The following JPH4 variants were observed in gnomAD, a reference collection of about 807,000 sequenced individuals.
JPH4 encodes junctophilin 4.
Under a neutral mutation model 57.6 loss-of-function variants are expected in JPH4, and 18 were observed. That is an observed-to-expected ratio of 0.31 (90% CI 0.22 to 0.46). The LOEUF (loss-of-function observed/expected upper bound fraction) is 0.46, where lower values mean the gene tolerates loss of function less well. Among genes scored for constraint, JPH4 ranks in the 20% least tolerant of loss-of-function variants. JPH4 has a pLI of 1.00. For missense variants in JPH4, 727 were observed against 911.1 expected (o/e 0.80, Z 2.60); for synonymous variants, 425 against 406.6 (o/e 1.05, Z -0.54).
rs147617567 is a variant in JPH4 at position 23,576,978 on chromosome 14, A to G, written c.379+97T>C. 6.6e-6 allele frequency: 9 copies of G among 1,354,788 alleles called. No homozygotes were observed. In the East Asian group the frequency reaches 2.5e-4, roughly 38 times the overall value. 83.9% of individuals were successfully genotyped at this position (1,354,788 alleles called of 1,614,324 possible). Reference sequence around the variant, plus strand: ...ATGGGGAATGGTGGCGGGGGAAAGAAGGATGGGCGCAAGGGCGCAAATGGC... The same window carrying G: ...ATGGGGAATGGTGGCGGGGGAAAGAGGGATGGGCGCAAGGGCGCAAATGGC... On this transcript the variant is annotated intron_variant, in intron 2 of 5. Coordinates refer to ENST00000356300, the MANE Select transcript of JPH4 (RefSeq NM_001146028.2). The surrounding 1 kb of genome is among the most constrained non-coding windows in gnomAD (Gnocchi z 8.0).
Position 23,576,182 on chromosome 14 carries a change from G to A in JPH4, c.654C>T (p.Phe218=). 7.7e-7 allele frequency: 1 copy of A among 1,298,856 alleles called. No individual in the cohort carries two copies. The highest frequency in any genetic ancestry group is 9.8e-7 in the Non-Finnish European group (1 of 1,022,296). The allele number at this position is 1,298,856 out of a possible 1,614,324, so 80.5% of individuals were successfully genotyped here. ...SRKRTPAAGG[F]FRRSLLLSGL... ...CGCTGAGCAGCAGCGAACGGCGAAA[G>A]AATCCGCCGGCCGCCGGAGTGCGCT... The change falls in exon 3 of 6, where the codon TTC becomes TTT. Residue 218 remains phenylalanine, a synonymous_variant. Coordinates refer to ENST00000356300, the MANE Select transcript of JPH4 (RefSeq NM_001146028.2). This position sits in a 1 kb window ranked among gnomAD's most constrained non-coding sequence, Gnocchi z 8.0.
rs1298379352 is a variant in JPH4 at position 23,576,514 on chromosome 14, C to T, written c.380-58G>A. ...AGGACGTGCCGCTGGGCTCCTTGCG[C>T]CCCAAGTCCCAAGCGCCCCTGGAAG... On this transcript the variant is annotated intron_variant, in intron 2 of 5. Transcript: ENST00000356300. The surrounding 1 kb of genome is among the most constrained non-coding windows in gnomAD (Gnocchi z 8.0). The T allele has an allele frequency of 3.8e-6, 5 of 1,316,152 alleles. No individual in the cohort carries two copies. The highest frequency in any genetic ancestry group is 4.9e-6 in the Non-Finnish European group (5 of 1,029,246). The allele number at this position is 1,316,152 out of a possible 1,614,324, so 81.5% of individuals were successfully genotyped here. A position where few individuals can be genotyped will look rare whatever the true frequency, so the allele number is the denominator to read the frequency against.
chr14:23,573,996 C>T (rs954471547), intron 3 of JPH4, among the ~76,000 whole-genome samples: 7 of 151,358 alleles, frequency 4.6e-5, no homozygotes, highest in Non-Finnish European at 1.0e-4. Context: ...ACCCATTATA[C>T]AAACTCATTT....
chr14:23,571,042 C>A lies in JPH4; in HGVS notation c.1689G>T (p.Glu563Asp), dbSNP rs769358718. The change falls in exon 5 of 6, where the codon GAG (glutamate) becomes GAT (aspartate). Residue 563 changes from glutamate (E) to aspartate (D), a missense_variant. Transcript: ENST00000356300. This position sits in a 1 kb window ranked among gnomAD's most constrained non-coding sequence, Gnocchi z 4.6. ...LPPLRAPAGTEPEPIAMLVLR... is the reference protein window; with the variant it reads ...LPPLRAPAGTDPEPIAMLVLR... ...GGACCAGCATGGCGATGGGCTCAGG[C>A]TCCGTGCCTGCTGGGGCCCTCAGCG... is the stretch of plus-strand genomic sequence containing the variant. 6.2e-7 allele frequency: 1 copy of A among 1,605,348 alleles called. No homozygotes were observed. The highest frequency in any genetic ancestry group is 1.7e-5 in the Admixed American group (1 of 59,494).
Position 23,569,724 on chromosome 14 carries a change from A to G in JPH4, c.1804-7T>C. 1.3e-6 allele frequency: 2 copies of G among 1,542,606 alleles called. No individual in the cohort carries two copies. Among genetic ancestry groups the G allele is most frequent in the Non-Finnish European group, 8.8e-7 (1 of 1,141,000 alleles). On this transcript the variant is annotated splice_region_variant and splice_polypyrimidine_tract_variant and intron_variant, in intron 5 of 5. Coordinates refer to ENST00000356300, the MANE Select transcript of JPH4 (RefSeq NM_001146028.2). The surrounding 1 kb of genome is among the most constrained non-coding windows in gnomAD (Gnocchi z 4.8). Reference sequence around the variant, plus strand: ...CCAGGGGGTTGGCAGCTCCCTAGAGAGACAGAGGGGGAAGCAGACTCAGTC... The same window carrying G: ...CCAGGGGGTTGGCAGCTCCCTAGAGGGACAGAGGGGGAAGCAGACTCAGTC...
chr14:23,568,910 G>C lies in JPH4; in HGVS notation c.*724C>G. 17 of 600,572 alleles carry C rather than the reference G, an allele frequency of 2.8e-5. No homozygotes were observed. Among genetic ancestry groups the C allele is most frequent in the Middle Eastern group, 8.7e-4 (1 of 1,146 alleles). 37.2% of individuals were successfully genotyped at this position (600,572 alleles called of 1,614,324 possible). On this transcript the variant is annotated 3_prime_UTR_variant, in exon 6 of 6. Coordinates refer to ENST00000356300, the MANE Select transcript of JPH4 (RefSeq NM_001146028.2). ...TCCTTTACACGTTGCTCTTGGCATG[G>C]CATGCCACCAGAGGGGGCTGGAGGA...
chr14:23,571,348 G>T lies in JPH4; in HGVS notation c.1383C>A (p.Pro461=). 1 of 1,599,246 alleles carries T rather than the reference G, an allele frequency of 6.3e-7. No homozygotes were observed. ...LTPSEGSPEL[P]SSPASSRQPW... ...GTTGGCGGGAGGAGGCAGGACTGCT[G>T]GGCAGTTCAGGGGATCCCTCTGAGG... The change falls in exon 5 of 6, where the codon CCC becomes CCA. Residue 461 remains proline (P), a synonymous_variant. Transcript: ENST00000356300. The surrounding 1 kb of genome is among the most constrained non-coding windows in gnomAD (Gnocchi z 4.6).
Position 23,569,632 on chromosome 14 carries a change from C to T in JPH4, c.*2G>A. 1 of 1,551,862 alleles carries T rather than the reference C, an allele frequency of 6.4e-7. No homozygotes were observed. Among genetic ancestry groups the T allele is most frequent in the South Asian group, 1.2e-5 (1 of 84,054 alleles). The stretch of plus-strand genomic sequence containing the variant: ...AAGCCAGAACCAGGCCAGGAAGTAG[C>T]CTCAGGTGAGGAGCTGGGAGAACAG... On this transcript the variant is annotated 3_prime_UTR_variant, in exon 6 of 6. Transcript: ENST00000356300. The surrounding 1 kb of genome is among the most constrained non-coding windows in gnomAD (Gnocchi z 4.8).
rs1462775241 is a variant in JPH4 at position 23,577,225 on chromosome 14, G to C, written c.229C>G (p.Arg77Gly). ...QGKREGLGVE[R>G]KSRWTYRGEW... ...CCGCGGTACGTCCAGCGGCTCTTGCGCTCCACGCCCAGCCCTTCGCGCTTG... is the reference window on the plus strand; with the variant it reads ...CCGCGGTACGTCCAGCGGCTCTTGCCCTCCACGCCCAGCCCTTCGCGCTTG... Residue 77 changes from arginine to glycine, a missense_variant, in exon 2 of 6, where the codon CGC becomes GGC. Arg to Gly is a moderately radical substitution (Grantham distance 125). This residue lies in a region of JPH4 where 83 missense variants were observed against 135.4 expected (regional missense o/e 0.61). Transcript: ENST00000356300. This position sits in a 1 kb window ranked among gnomAD's most constrained non-coding sequence, Gnocchi z 8.4. 2 of 1,537,236 alleles carry C rather than the reference G, an allele frequency of 1.3e-6. No homozygotes were observed. Among genetic ancestry groups the C allele is most frequent in the Non-Finnish European group, 1.7e-6 (2 of 1,145,874 alleles).
In JPH4 at chr14:23,571,226, GC is replaced by G. The variant is rs759065160; in HGVS notation, c.1504del (p.Ala502GlnfsTer8). 68 of 1,587,728 alleles carry G rather than the reference GC, an allele frequency of 4.3e-5. No individual in the cohort carries two copies. Among genetic ancestry groups the G allele is most frequent in the Admixed American group, 8.5e-5 (5 of 58,548 alleles). On this transcript the variant is annotated frameshift_variant, in exon 5 of 6. Transcript: ENST00000356300. LOFTEE classifies it high-confidence loss of function. The surrounding 1 kb of genome is among the most constrained non-coding windows in gnomAD (Gnocchi z 4.6). ...AGCTAGTTCCTCTGCCTGTGCGCCT[GC>G]CCCCCCCCACTCCTCAGGCCAAGCT... is the stretch of plus-strand genomic sequence containing the variant. ...PKAWPEEWGG[A>X]GAQAEELAGY...
chr14:23,575,670 G>GAA lies in JPH4; in HGVS notation c.1151+13_1151+14dup. ...TCCTCTTAGCCCAGCTTTGGCCTCT[G>GAA]AACTGGACGCCCACCTGGCAGCGGC... On this transcript the variant is annotated intron_variant, in intron 3 of 5. Coordinates refer to ENST00000356300, the MANE Select transcript of JPH4 (RefSeq NM_001146028.2). The surrounding 1 kb of genome is among the most constrained non-coding windows in gnomAD (Gnocchi z 6.9). 1 of 1,591,634 alleles carries GAA rather than the reference G, an allele frequency of 6.3e-7. No individual in the cohort carries two copies. Among genetic ancestry groups the GAA allele is most frequent in the Non-Finnish European group, 8.5e-7 (1 of 1,170,930 alleles).
Position 23,575,551 on chromosome 14 carries a change from C to T in JPH4, c.1151+134G>A. 1.7e-6 allele frequency: 2 copies of T among 1,186,146 alleles called. No individual in the cohort carries two copies. The highest frequency in any genetic ancestry group is 2.6e-5 in the East Asian group (1 of 38,794). The allele number at this position is 1,186,146 out of a possible 1,614,324, so 73.5% of individuals were successfully genotyped here. Reference sequence around the variant, plus strand: ...ACACCAAGAATGCCCAGGGGTCCAACTGCCTGGCCTTAGGCTTGCAATAGC... The same window carrying T: ...ACACCAAGAATGCCCAGGGGTCCAATTGCCTGGCCTTAGGCTTGCAATAGC... On this transcript the variant is annotated intron_variant, in intron 3 of 5. Transcript: ENST00000356300. The surrounding 1 kb of genome is among the most constrained non-coding windows in gnomAD (Gnocchi z 6.9).
chr14:23,568,954 G>GA lies in JPH4; in HGVS notation c.*679dup, dbSNP rs1888957782. 1 of 212,778 alleles carries GA rather than the reference G, an allele frequency of 4.7e-6. No homozygotes were observed. The highest frequency in any genetic ancestry group is 6.5e-5 in the Admixed American group (1 of 15,450). 13.2% of individuals were successfully genotyped at this position (212,778 alleles called of 1,614,324 possible). ...TGGAGGAGGGGCTGGCCGATGAGGA[G>GA]AAAAAGAGGGAAATGCTGGGGAGTT... On this transcript the variant is annotated 3_prime_UTR_variant, in exon 6 of 6. Coordinates refer to ENST00000356300, the MANE Select transcript of JPH4 (RefSeq NM_001146028.2).
chr14:23,572,826 C>A lies in JPH4; in HGVS notation c.1152-906G>T, dbSNP rs1457036791. On this transcript the variant is annotated intron_variant, in intron 3 of 5. Transcript: ENST00000356300. ...CCCTTAGTCTCCCTTCCACAACCCC[C>A]TACCACCTTCCCTGCTCCTTAGGTG... 5.7e-6 allele frequency: 4 copies of A among 701,714 alleles called. No homozygotes were observed. In the East Asian group the frequency reaches 1.1e-4, roughly 19 times the overall value. The allele number at this position is 701,714 out of a possible 1,614,324, so 43.5% of individuals were successfully genotyped here.
chr14:23,573,071 C>A lies in JPH4; in HGVS notation c.1152-1151G>T, dbSNP rs1889192657. On this transcript the variant is annotated intron_variant, in intron 3 of 5. Coordinates refer to ENST00000356300, the MANE Select transcript of JPH4 (RefSeq NM_001146028.2). ...CTGCCATGGGCTTGAATTGATCACA[C>A]CCCATGACTTCCTCTGGCCACAGGC... 2.9e-5 allele frequency: 19 copies of A among 650,598 alleles called. No homozygotes were observed. In the South Asian group the frequency reaches 3.2e-4, roughly 11 times the overall value. The allele number at this position is 650,598 out of a possible 1,614,324, so 40.3% of individuals were successfully genotyped here.
Position 23,577,766 on chromosome 14 carries a change from A to C in JPH4, c.-171-142T>G, listed in dbSNP as rs1279636889. ...TTGGCAGCATCTTCCAGCAGCCCCC[A>C]AGCTTTGGGGGAATGGGGGCTTCCC... On this transcript the variant is annotated intron_variant, in intron 1 of 5. Transcript: ENST00000356300. This position sits in a 1 kb window ranked among gnomAD's most constrained non-coding sequence, Gnocchi z 8.4. 2 of 253,070 alleles carry C rather than the reference A, an allele frequency of 7.9e-6. No homozygotes were observed. Among genetic ancestry groups the C allele is most frequent in the East Asian group, 7.1e-5 (1 of 14,082 alleles). The allele number at this position is 253,070 out of a possible 1,614,324, so 15.7% of individuals were successfully genotyped here.
chr14:23,573,103 T>C (rs1440899352), intron 3 of JPH4: 4 of 616,290 alleles, frequency 6.5e-6, no homozygotes, highest in Non-Finnish European at 1.2e-5. Flanking sequence ...AGGCCTGTTC[T>C]CTCTGGCTCA....
At position 23,577,165 on chromosome 14, in the gene JPH4, C is replaced by T; in HGVS notation, c.289G>A (p.Val97Met). Reference protein sequence around the residue: ...WLGGLKGRSGVWESVSGLRYA... With the variant: ...WLGGLKGRSGMWESVSGLRYA... ...CGCAGGCCGGACACGCTTTCCCACA[C>T]GCCGCTGCGCCCCTTCAGCCCGCCC... The change falls in exon 2 of 6, where the codon GTG (valine) becomes ATG (methionine). Residue 97 changes from valine to methionine, a missense_variant. By Grantham distance (21) the Val-to-Met change is conservative. Transcript: ENST00000356300. The surrounding 1 kb of genome is among the most constrained non-coding windows in gnomAD (Gnocchi z 8.4). The T allele has an allele frequency of 3.9e-6, 6 of 1,536,232 alleles. No homozygotes were observed. The highest frequency in any genetic ancestry group is 5.2e-6 in the Non-Finnish European group (6 of 1,146,976).
chr14:23,571,036 C>T lies in JPH4; in HGVS notation c.1695G>A (p.Glu565=). 6.2e-7 allele frequency: 1 copy of T among 1,602,760 alleles called. No individual in the cohort carries two copies. The highest frequency in any genetic ancestry group is 1.1e-5 in the South Asian group (1 of 88,750). Residue 565 remains glutamate (E), a synonymous_variant, in exon 5 of 6, where the codon GAG becomes GAA. Coordinates refer to ENST00000356300, the MANE Select transcript of JPH4 (RefSeq NM_001146028.2). The surrounding 1 kb of genome is among the most constrained non-coding windows in gnomAD (Gnocchi z 4.6). ...PLRAPAGTEP[E]PIAMLVLRGS... ...CCCTCAGGACCAGCATGGCGATGGG[C>T]TCAGGCTCCGTGCCTGCTGGGGCCC...
Sources: allele counts gnomAD v4.1 joint callset (sites outside exome capture counted in the v4.1 genomes callset), GRCh38; gene constraint gnomAD v4.1.1; regional missense constraint gnomAD v4.1.1; non-coding constraint Gnocchi (gnomAD v3.1); transcripts MANE v1.5; gene names NCBI Gene and HGNC (gene_info 2026-07-23, HGNC 2026-07-21).